THSD7B: variants seen among roughly 807,000 people sequenced by gnomAD.
THSD7B encodes the protein thrombospondin type 1 domain containing 7B.
THSD7B carries 138 observed loss-of-function variants against 213.6 expected under a neutral mutation model. The ratio of observed to expected loss-of-function variants is 0.65; its 90% CI spans 0.56 to 0.74. The LOEUF is 0.74. Among genes scored for constraint, THSD7B ranks in the 30% least tolerant of loss-of-function variants. The pLI is 0.00. For missense variants in THSD7B, 1,931 were observed against 1,991.5 expected, an observed-to-expected ratio of 0.97 and a Z score of 0.58; for synonymous variants, 742 against 687.0, an observed-to-expected ratio of 1.08 and a Z score of -1.25.
At chr2:137,327,249 T>A (rs1242227458) in intron 12 of THSD7B, among the ~76,000 whole-genome samples, 2 of 152,202 alleles carry the variant, frequency 1.3e-5, no homozygotes. Context: ...GCCTGAGACA[T>A]TCTGTGACAT....
At chr2:137,073,832 T>A (rs1687555430) in intron 3 of THSD7B, among the ~76,000 whole-genome samples, 1 of 152,352 alleles carries the variant, frequency 6.6e-6, no homozygotes, top group East Asian at 1.9e-4. Context: ...CTGCCTTCAG[T>A]TCGTTATTTA....
intron 1 of THSD7B, among the ~76,000 whole-genome samples, chr2:136,841,380 T>C (rs1369606165): frequency 1.3e-5 from 2 of 151,522 alleles, no homozygotes; most frequent in African/African-American, 2.4e-5. Context: ...CGGATCACAA[T>C]GTCAAGAGAT....
rs1215843137 is a variant in THSD7B, at chr2:136,844,007, T to C, written c.-35-38137T>C. ...TCCACAGGGATTTCAAACTATACTC[T>C]GAGAGGCCAGAGGCCTCTCTCAGAC... On this transcript the variant is annotated intron_variant, in intron 1 of 27. Transcript: ENST00000409968. 3.9e-5 allele frequency among the ~76,000 whole-genome samples: 6 copies of C among 152,172 alleles called. No homozygotes were observed. In the East Asian group the frequency reaches 1.2e-3, roughly 29 times the overall value.
intron 5 of THSD7B, among the ~76,000 whole-genome samples, chr2:137,131,307 A>C (rs1332769078): frequency 9.9e-5 from 15 of 151,560 alleles, no homozygotes; most frequent in Non-Finnish European, 2.2e-4. Flanking sequence ...AGGTTGTGAA[A>C]ATTTTCTCCC....
intron 12 of THSD7B, among the ~76,000 whole-genome samples, chr2:137,378,987 A>G (rs2104961030): frequency 6.6e-6 from 1 of 152,262 alleles, no homozygotes; most frequent in Non-Finnish European, 1.5e-5. Context: ...TATTCTTGTC[A>G]GTCTTTATAA....
intron 7 of THSD7B, among the ~76,000 whole-genome samples, chr2:137,198,064 C>T (rs976346429): frequency 7.9e-5 from 12 of 152,094 alleles, no homozygotes; most frequent in Non-Finnish European, 1.5e-5. Flanking sequence ...CATCTTTCTG[C>T]CTGCTTGCTT....
At chr2:137,619,803 T>A (rs1180465767) in intron 19 of THSD7B, among the ~76,000 whole-genome samples, 1 of 152,242 alleles carries the variant, frequency 6.6e-6, no homozygotes, top group Non-Finnish European at 1.5e-5. Flanking sequence ...ATATCTCAGA[T>A]GGATTATAGG....
chr2:136,858,025 T>C (rs1296045047), intron 1 of THSD7B, among the ~76,000 whole-genome samples: 1 of 152,218 alleles, frequency 6.6e-6, no homozygotes, highest in East Asian at 1.9e-4. Flanking sequence ...GTAGAGTCTG[T>C]AGCCTTTCTT....
At chr2:137,355,573 G>A (rs1685107998) in intron 12 of THSD7B, among the ~76,000 whole-genome samples, 1 of 152,118 alleles carries the variant, frequency 6.6e-6, no homozygotes, top group Non-Finnish European at 1.5e-5. Context: ...GGGGACCAGA[G>A]TATCATTAAG....
chr2:137,266,207 G>A (rs1682586847), intron 10 of THSD7B, among the ~76,000 whole-genome samples: 1 of 152,136 alleles, frequency 6.6e-6, no homozygotes, highest in Non-Finnish European at 1.5e-5. Flanking sequence ...TGCTTTACAT[G>A]CAGTATCTCA....
chr2:137,421,248 T>G (rs1020429875), intron 14 of THSD7B, among the ~76,000 whole-genome samples: 1 of 152,108 alleles, frequency 6.6e-6, no homozygotes, highest in African/African-American at 2.4e-5. Context: ...ACCAGTTGGT[T>G]GTCCTCCAAT....
chr2:137,360,865 A>C (rs1446024414), intron 12 of THSD7B, among the ~76,000 whole-genome samples: 2 of 152,174 alleles, frequency 1.3e-5, no homozygotes, highest in Non-Finnish European at 2.9e-5. Flanking sequence ...TGGGTCTCCC[A>C]GCATGTTTGA....
intron 2 of THSD7B, among the ~76,000 whole-genome samples, chr2:136,956,026 C>CAA (rs766980289): frequency 1.7e-5 from 1 of 59,072 alleles, no homozygotes; most frequent in Non-Finnish European, 3.7e-5. Flanking sequence ...GACTCCGTCT[C>CAA]AAAAAAAAAA....
intron 15 of THSD7B, among the ~76,000 whole-genome samples, chr2:137,505,590 C>A (rs1029164357): frequency 6.6e-6 from 1 of 152,196 alleles, no homozygotes; most frequent in African/African-American, 2.4e-5. Context: ...CAACATTCTG[C>A]GAACGGAGTC....
At chr2:137,570,935 T>C (rs1441202901) in intron 16 of THSD7B, among the ~76,000 whole-genome samples, 1 of 152,200 alleles carries the variant, frequency 6.6e-6, no homozygotes, top group African/African-American at 2.4e-5. Flanking sequence ...AGAAAGTCTT[T>C]ATTAAACCAT....
intron 4 of THSD7B, 125 bp from the exon 5 acceptor site, chr2:137,114,999 C>A (rs574128629): frequency 3.0e-6 from 3 of 1,001,400 alleles, no homozygotes; most frequent in East Asian, 2.6e-5. Context: ...ACTTCTTTAT[C>A]CACAGGCAAA....
chr2:137,526,410 G>A (rs1043571364), intron 15 of THSD7B, among the ~76,000 whole-genome samples: 1 of 151,760 alleles, frequency 6.6e-6, no homozygotes, highest in Non-Finnish European at 1.5e-5. Context: ...TGTTGTTGTT[G>A]TTGTTGTTGT....
At chr2:137,215,963 A>C (rs868723221) in intron 7 of THSD7B, among the ~76,000 whole-genome samples, 1 of 152,154 alleles carries the variant, frequency 6.6e-6, no homozygotes, top group African/African-American at 2.4e-5. Context: ...TTATGAAATT[A>C]GCAAAGCTTT....
chr2:137,377,686 G>A (rs1026878420), intron 12 of THSD7B, among the ~76,000 whole-genome samples: 1 of 151,716 alleles, frequency 6.6e-6, no homozygotes. Context: ...GAGTATAGTG[G>A]TGCGATCCTG....
Sources: gnomAD v4.1 joint callset for allele counts (sites outside exome capture counted in the v4.1 genomes callset) on GRCh38, gnomAD v4.1.1 for gene constraint, MANE v1.5 for transcripts, NCBI Gene and HGNC (gene_info 2026-07-23, HGNC 2026-07-21) for gene names.